Variants in PODXL2 observed in about 807,000 individuals in gnomAD.
PODXL2 encodes podocalyxin-like protein 2.
PODXL2 carries 17 observed loss-of-function variants against 53.4 expected under a neutral mutation model. The ratio of observed to expected loss-of-function variants is 0.32; its 90% CI spans 0.22 to 0.48. The LOEUF (loss-of-function observed/expected upper bound fraction) is 0.48. Among genes scored for constraint, PODXL2 ranks in the 20% least tolerant of loss-of-function variants. The pLI is 0.99. For synonymous variants in PODXL2, 311 were observed against 306.7 expected, an observed-to-expected ratio of 1.01 and a Z score of -0.15; for missense variants, 673 against 760.0, an observed-to-expected ratio of 0.89 and a Z score of 1.35.
intron 2 of PODXL2, among the ~76,000 whole-genome samples, chr3:127,646,137 G>A (rs1235063714): frequency 6.6e-6 from 1 of 152,166 alleles, no homozygotes; most frequent in Non-Finnish European, 1.5e-5. Flanking sequence ...GGGGTTGTGG[G>A]TTCTCATTTA....
intron 2 of PODXL2, among the ~76,000 whole-genome samples, chr3:127,657,738 C>G (rs902414172): frequency 3.9e-5 from 6 of 152,228 alleles, no homozygotes; most frequent in African/African-American, 1.4e-4. Context: ...GACTCCTATT[C>G]TGTTACCCAG....
chr3:127,637,953 T>C (rs2074588770), intron 1 of PODXL2, among the ~76,000 whole-genome samples: 1 of 152,230 alleles, frequency 6.6e-6, no homozygotes, highest in African/African-American at 2.4e-5. Flanking sequence ...ATTATAAGCA[T>C]CACTAAAAAT....
At chr3:127,655,708 A>G (rs1230191400) in intron 2 of PODXL2, among the ~76,000 whole-genome samples, 1 of 152,278 alleles carries the variant, frequency 6.6e-6, no homozygotes, top group African/African-American at 2.4e-5. Flanking sequence ...GTAGGAAAGG[A>G]CTGCTGATTC....
In PODXL2 at chr3:127,629,391, C is replaced by T; in HGVS notation, c.70+102C>T. The T allele has an allele frequency of 1.1e-6, 1 of 896,698 alleles. No individual in the cohort carries two copies. The highest frequency in any genetic ancestry group is 1.3e-6 in the Non-Finnish European group (1 of 748,520). 55.5% of individuals were successfully genotyped at this position (896,698 alleles called of 1,614,324 possible). Reference sequence around the variant, plus strand: ...CAACAAAGGGGCCAGAGTGCGGCGCCGCCGGGAGCGCGCGTGTCCCGGCCG... The same window carrying T: ...CAACAAAGGGGCCAGAGTGCGGCGCTGCCGGGAGCGCGCGTGTCCCGGCCG... On this transcript the variant is annotated intron_variant, in intron 1 of 7. Coordinates refer to ENST00000342480, the MANE Select transcript of PODXL2 (RefSeq NM_015720.4). The surrounding 1 kb of genome is among the most constrained non-coding windows in gnomAD (Gnocchi z 6.4).
chr3:127,645,093 C>T (rs1399788224), intron 2 of PODXL2, among the ~76,000 whole-genome samples: 3 of 152,264 alleles, frequency 2.0e-5, no homozygotes, highest in Non-Finnish European at 4.4e-5. Flanking sequence ...AACTTATTAG[C>T]ATGGCAGAAA....
Position 127,672,404 on chromosome 3 carries a change from G to A in PODXL2, c.1742G>A (p.Gly581Glu). 6.5e-7 allele frequency: 1 copy of A among 1,543,388 alleles called. No individual in the cohort carries two copies. Among genetic ancestry groups the A allele is most frequent in the Non-Finnish European group, 8.7e-7 (1 of 1,145,808 alleles). Residue 581 changes from glycine to glutamate, a missense_variant, in exon 8 of 8, where the codon GGG becomes GAG. Around this residue, in one of 3 missense-constraint regions of PODXL2, gnomAD observed 79 missense variants for 70.5 expected, o/e 1.12. Transcript: ENST00000342480. ...LNGGGALNGP[G>E]SWGALMGGKR... Reference sequence around the variant, plus strand: ...GGCGGCGGGGCCCTCAACGGCCCGGGGAGCTGGGGGGCGCTCATGGGGGGC... The same window carrying A: ...GGCGGCGGGGCCCTCAACGGCCCGGAGAGCTGGGGGGCGCTCATGGGGGGC...
chr3:127,652,239 CT>C (rs1439038666), intron 2 of PODXL2, among the ~76,000 whole-genome samples: 1 of 152,210 alleles, frequency 6.6e-6, no homozygotes, highest in Non-Finnish European at 1.5e-5. Context: ...GAGATGGGCC[CT>C]TTGCTCTTGC....
chr3:127,664,532 T>C (rs1423113608), intron 4 of PODXL2, among the ~76,000 whole-genome samples: 1 of 152,180 alleles, frequency 6.6e-6, no homozygotes, highest in Non-Finnish European at 1.5e-5. Context: ...GTGGGGTTGC[T>C]GGATCATATG....
chr3:127,640,527 C>G (rs1203220092), intron 2 of PODXL2, among the ~76,000 whole-genome samples: 1 of 151,858 alleles, frequency 6.6e-6, no homozygotes, highest in Non-Finnish European at 1.5e-5. Flanking sequence ...ATGGTGAAAC[C>G]CTGTCTCCAC....
At chr3:127,662,103 A>T in intron 3 of PODXL2, 134 bp from the exon 4 acceptor site, 2 of 679,708 alleles carry the variant, frequency 2.9e-6, no homozygotes, top group South Asian at 1.7e-5. Flanking sequence ...GGCTGTCAGC[A>T]GCCCCCTCGC....
intron 2 of PODXL2, among the ~76,000 whole-genome samples, chr3:127,642,603 C>T (rs1260614718): frequency 3.9e-5 from 6 of 152,146 alleles, no homozygotes. Flanking sequence ...GCCGCACCCC[C>T]CACCAAGTGT....
At chr3:127,664,212 T>C (rs976894761) in intron 4 of PODXL2, among the ~76,000 whole-genome samples, 1 of 152,204 alleles carries the variant, frequency 6.6e-6, no homozygotes, top group Admixed American at 6.5e-5. Context: ...TGAATGGGAC[T>C]ACTCTGGATA....
chr3:127,651,713 G>C (rs2074690157), intron 2 of PODXL2, among the ~76,000 whole-genome samples: 2 of 152,238 alleles, frequency 1.3e-5, no homozygotes, highest in Admixed American at 1.3e-4. Context: ...GCCGTGAGCT[G>C]GGCTGTGTGG....
chr3:127,632,873 T>G (rs2074555506), intron 1 of PODXL2, among the ~76,000 whole-genome samples: 1 of 152,084 alleles, frequency 6.6e-6, no homozygotes, highest in Admixed American at 6.5e-5. Flanking sequence ...TAATCGAGAG[T>G]CTAATAGAAA....
intron 2 of PODXL2, among the ~76,000 whole-genome samples, chr3:127,649,876 G>T (rs1443062794): frequency 1.3e-5 from 2 of 152,238 alleles, no homozygotes; most frequent in African/African-American, 4.8e-5. Flanking sequence ...GACAGAGGCT[G>T]CAGTGAGCCC....
intron 2 of PODXL2, among the ~76,000 whole-genome samples, chr3:127,656,464 C>T (rs953107357): frequency 2.0e-5 from 3 of 151,836 alleles, no homozygotes; most frequent in Admixed American, 1.3e-4. Context: ...GTGTTGGGCG[C>T]GGTGGTTCAC....
In PODXL2 at chr3:127,642,847, G is replaced by A. The variant is rs80296365; in HGVS notation, c.349+3324G>A. 2.5e-3 allele frequency among the ~76,000 whole-genome samples: 383 copies of A among 152,256 alleles called. 2 individuals carry two copies. The highest frequency in any genetic ancestry group is 8.4e-3 in the African/African-American group (350 of 41,546). ...TTGGAGTCAGGAAGGCTCCAGTGCT[G>A]TCATTTAACAGTGATGCAATTTTTG... On this transcript the variant is annotated intron_variant, in intron 2 of 7. Coordinates refer to ENST00000342480, the MANE Select transcript of PODXL2 (RefSeq NM_015720.4).
chr3:127,665,954 G>C (rs1408692809), intron 4 of PODXL2: 1 of 470,344 alleles, frequency 2.1e-6, no homozygotes, highest in Non-Finnish European at 4.3e-6. Context: ...GGCCCCAGGT[G>C]TGCTCATGGC....
chr3:127,661,849 GCAGGCACAAGT>G (rs2074769605), intron 3 of PODXL2, among the ~76,000 whole-genome samples: 1 of 152,066 alleles, frequency 6.6e-6, no homozygotes, highest in South Asian at 2.1e-4. Flanking sequence ...CATGTGCATA[GCAGGCACAAGT>G]CAGTGTTCAC....
Sources: allele counts gnomAD v4.1 joint callset (sites outside exome capture counted in the v4.1 genomes callset), GRCh38; gene constraint gnomAD v4.1.1; regional missense constraint gnomAD v4.1.1; non-coding constraint Gnocchi (gnomAD v3.1); transcripts MANE v1.5; gene names NCBI Gene and HGNC (gene_info 2026-07-23, HGNC 2026-07-21).